Variants in YAP1 observed in about 807,000 individuals in gnomAD.
YAP1 encodes the protein transcriptional coactivator YAP1.
YAP1 carries 5 observed loss-of-function variants against 56.9 expected under a neutral mutation model. The observed-to-expected ratio is 0.09, with a 90% CI of 0.05 to 0.18. YAP1 has a LOEUF of 0.18. YAP1 is among the 10% of genes least tolerant of loss of function. The pLI, the probability that YAP1 is intolerant of heterozygous loss-of-function variation, is 1.00. For synonymous variants in YAP1, 265 were observed against 248.1 expected, an observed-to-expected ratio of 1.07 and a Z score of -0.64; for missense variants, 539 against 651.8, an observed-to-expected ratio of 0.83 and a Z score of 1.88.
chr11:102,195,356 A>T (rs72974151), intron 4 of YAP1, among the ~76,000 whole-genome samples: 2,105 of 152,192 alleles, frequency 0.014, 23 homozygotes, highest in Non-Finnish European at 0.022. Context: ...TGGTTGGAGG[A>T]GGGGGAAGTT....
rs185923270 is a variant in YAP1, at chr11:102,111,946, C to A, written c.321+777C>A. Among the ~76,000 whole-genome samples, 350 of 152,188 alleles carry A rather than the reference C, an allele frequency of 2.3e-3. 14 individuals carry two copies. The highest frequency in any genetic ancestry group is 0.019 in the Admixed American group (289 of 15,290). The stretch of plus-strand genomic sequence containing the variant: ...GGAAGTTGTTTATGGAGTTCTTTCA[C>A]CCCTGCTCTTCCCTTGTGTGTTGGA... On this transcript the variant is annotated intron_variant, in intron 1 of 8. Coordinates refer to ENST00000282441, the MANE Select transcript of YAP1 (RefSeq NM_001130145.3).
chr11:102,135,902 ATT>A (rs1454005989), intron 2 of YAP1, among the ~76,000 whole-genome samples: 1 of 152,080 alleles, frequency 6.6e-6, no homozygotes, highest in African/African-American at 2.4e-5. Flanking sequence ...ATTGCTGTAT[ATT>A]TTCATAGCTG....
At chr11:102,153,326 C>T (rs1945769842) in intron 2 of YAP1, among the ~76,000 whole-genome samples, 1 of 152,286 alleles carries the variant, frequency 6.6e-6, no homozygotes, top group East Asian at 1.9e-4. Context: ...TGGTTAAAGT[C>T]ACTGCGCACT....
intron 3 of YAP1, among the ~76,000 whole-genome samples, chr11:102,164,572 C>T (rs1032795169): frequency 8.5e-5 from 13 of 152,272 alleles, no homozygotes; most frequent in South Asian, 2.1e-4. Flanking sequence ...TATTTCGCGT[C>T]TAACAAGGTT....
At position 102,229,836 on chromosome 11, in the gene YAP1, A is replaced by C; in HGVS notation, c.1411A>C (p.Met471Leu). ...AATGAACATAGAAGGAGAGGAGCTG[A>C]TGCCAAGTCTGCAGGAAGCTTTGAG... Reference protein sequence around the residue: ...DGMNIEGEELMPSLQEALSSD... With the variant: ...DGMNIEGEELLPSLQEALSSD... The change falls in exon 9 of 9, where the codon ATG (methionine) becomes CTG (leucine). Residue 471 changes from methionine (M) to leucine (L), a missense_variant. Around this residue, in one of 4 missense-constraint regions of YAP1, gnomAD observed 414 missense variants for 512.4 expected, o/e 0.81. Transcript: ENST00000282441. The C allele has an allele frequency of 6.2e-7, 1 of 1,614,196 alleles. No individual in the cohort carries two copies. The highest frequency in any genetic ancestry group is 8.5e-7 in the Non-Finnish European group (1 of 1,180,002).
chr11:102,124,213 A>G (rs1003929110), intron 2 of YAP1, among the ~76,000 whole-genome samples: 4 of 152,130 alleles, frequency 2.6e-5, no homozygotes, highest in Admixed American at 1.3e-4. Flanking sequence ...TCAGCCTCCC[A>G]AAGTGCTGGG....
intron 4 of YAP1, among the ~76,000 whole-genome samples, chr11:102,203,477 C>A (rs1337491715): frequency 6.6e-5 from 10 of 152,016 alleles, no homozygotes; most frequent in African/African-American, 2.2e-4. Flanking sequence ...AAGGCCCTGT[C>A]TTTTTAGAAA....
intron 3 of YAP1, among the ~76,000 whole-genome samples, chr11:102,175,827 C>T (rs1315853370): frequency 6.6e-6 from 1 of 152,150 alleles, no homozygotes; most frequent in East Asian, 1.9e-4. Flanking sequence ...CTCTAGGTGA[C>T]AGGAATTTTT....
chr11:102,174,155 AT>A (rs1947089223), intron 3 of YAP1, among the ~76,000 whole-genome samples: 1 of 152,232 alleles, frequency 6.6e-6, no homozygotes, highest in East Asian at 1.9e-4. Context: ...CCATAGAAAT[AT>A]CCTTAGAGAT....
Position 102,227,580 on chromosome 11 carries a change from A to G in YAP1, c.1275A>G (p.Thr425=). The change falls in exon 8 of 9, where the codon ACA becomes ACG. Residue 425 remains threonine, a splice_region_variant and synonymous_variant. Transcript: ENST00000282441. ...DFLNSVDEMD[T]GDTINQSTLP... ...TGAACAGTGTGGATGAGATGGATAC[A>G]GGTTGGTATTCTTTATTCCTCTTAG... The G allele has an allele frequency of 6.2e-7, 1 of 1,606,692 alleles. No homozygotes were observed. Among genetic ancestry groups the G allele is most frequent in the Non-Finnish European group, 8.5e-7 (1 of 1,173,730 alleles).
At chr11:102,127,871 G>C (rs1026219021) in intron 2 of YAP1, among the ~76,000 whole-genome samples, 1 of 152,198 alleles carries the variant, frequency 6.6e-6, no homozygotes, top group Admixed American at 6.5e-5. Context: ...GTGAGACCTG[G>C]AGTCACAGGA....
rs565037292 is a variant in YAP1 at position 102,161,982 on chromosome 11, G to A, written c.573-474G>A. ...TTTAAAGTTCTGCTTTGGCTTTGGA[G>A]TATGTAAGAAGATGACTTTTGGGGT... On this transcript the variant is annotated intron_variant, in intron 2 of 8. Coordinates refer to ENST00000282441, the MANE Select transcript of YAP1 (RefSeq NM_001130145.3). Among the ~76,000 whole-genome samples, 9 of 152,308 alleles carry A rather than the reference G, an allele frequency of 5.9e-5. No homozygotes were observed. The South Asian group carries it at 1.9e-3, about 32-fold the overall frequency.
intron 4 of YAP1, among the ~76,000 whole-genome samples, chr11:102,192,784 T>C (rs1033484306): frequency 1.3e-5 from 2 of 152,248 alleles, no homozygotes; most frequent in African/African-American, 4.8e-5. Flanking sequence ...TTGAACTATT[T>C]ATTGCACCAT....
intron 4 of YAP1, among the ~76,000 whole-genome samples, chr11:102,189,259 A>G (rs574092356): frequency 2.0e-5 from 3 of 152,098 alleles, no homozygotes; most frequent in East Asian, 1.9e-4. Flanking sequence ...TTGTAGATCT[A>G]TTACTGTATA....
chr11:102,193,093 A>G (rs931824208), intron 4 of YAP1, among the ~76,000 whole-genome samples: 1 of 152,204 alleles, frequency 6.6e-6, no homozygotes, highest in Non-Finnish European at 1.5e-5. Context: ...AAACTCCCAT[A>G]AAGTTGCCAT....
chr11:102,213,460 T>A (rs868641083), intron 6 of YAP1, among the ~76,000 whole-genome samples: 8 of 152,240 alleles, frequency 5.3e-5, no homozygotes, highest in South Asian at 4.2e-4. Context: ...CACTCCAGCC[T>A]GGCGAAAAGA....
At chr11:102,196,926 A>G (rs1218692813) in intron 4 of YAP1, among the ~76,000 whole-genome samples, 1 of 152,132 alleles carries the variant, frequency 6.6e-6, no homozygotes, top group Non-Finnish European at 1.5e-5. Context: ...AGCAATTTTT[A>G]CTGAAAAACT....
intron 1 of YAP1, chr11:102,112,885 C>A: frequency 3.3e-6 from 2 of 605,942 alleles, no homozygotes; most frequent in Non-Finnish European, 4.1e-6. Context: ...TTTGTGGCAT[C>A]AGCCACAAAG....
intron 2 of YAP1, among the ~76,000 whole-genome samples, chr11:102,152,533 A>G (rs7924449): frequency 0.48 from 72,417 of 151,998 alleles, 18,463 homozygotes; most frequent in African/African-American, 0.65. Flanking sequence ...GCCCTTAATT[A>G]AATGTCCATT....
Sources: allele counts gnomAD v4.1 joint callset (sites outside exome capture counted in the v4.1 genomes callset), GRCh38; gene constraint gnomAD v4.1.1; regional missense constraint gnomAD v4.1.1; transcripts MANE v1.5; gene names NCBI Gene and HGNC (gene_info 2026-07-23, HGNC 2026-07-21).